Variants in KBTBD11 observed in about 807,000 individuals in gnomAD.
The protein encoded by KBTBD11 is kelch repeat and BTB domain-containing protein 11.
For synonymous variants in KBTBD11, 747 were observed against 499.0 expected (o/e 1.50, Z -6.63); for missense variants, 1,390 against 1,001.8 (o/e 1.39, Z -5.23).
At chr8:1,990,383 C>T (rs555584815) in intron 1 of KBTBD11, among the ~76,000 whole-genome samples, 1 of 142,720 alleles carries the variant, frequency 7.0e-6, no homozygotes, top group Non-Finnish European at 1.5e-5. Context: ...GCTGCCGGGC[C>T]TTGGCGCCCT....
intron 1 of KBTBD11, among the ~76,000 whole-genome samples, chr8:1,987,840 G>A (rs529658471): frequency 2.0e-5 from 3 of 152,002 alleles, no homozygotes; most frequent in South Asian, 2.1e-4. Flanking sequence ...CCATTAACTC[G>A]TCATTTACAT....
chr8:1,994,070 A>G (rs911041418), intron 1 of KBTBD11, among the ~76,000 whole-genome samples: 1 of 152,128 alleles, frequency 6.6e-6, no homozygotes, highest in Non-Finnish European at 1.5e-5. Flanking sequence ...AGATTGCTCA[A>G]TACTTCGTTT....
intron 1 of KBTBD11, among the ~76,000 whole-genome samples, chr8:1,993,346 T>C (rs1456203377): frequency 6.6e-6 from 1 of 151,282 alleles, no homozygotes; most frequent in Non-Finnish European, 1.5e-5. Context: ...CCCATCTTTC[T>C]GTCCATCCAT....
intron 1 of KBTBD11, chr8:1,974,232 G>A (rs1453453227): frequency 1.1e-6 from 1 of 931,648 alleles, no homozygotes; most frequent in African/African-American, 1.8e-5. Flanking sequence ...GGCCGCGTGG[G>A]GGGCGTGGGG....
At chr8:1,994,904 C>T (rs1817075481) in intron 1 of KBTBD11, among the ~76,000 whole-genome samples, 1 of 152,052 alleles carries the variant, frequency 6.6e-6, no homozygotes, top group African/African-American at 2.4e-5. Context: ...ACTAAAAATA[C>T]AAATACTAGC....
intron 1 of KBTBD11, among the ~76,000 whole-genome samples, chr8:1,981,729 C>T (rs1338684350): frequency 3.3e-5 from 5 of 152,170 alleles, no homozygotes; most frequent in Non-Finnish European, 5.9e-5. Context: ...GCTGGGACAC[C>T]GTCTTCTTCT....
Position 2,002,043 on chromosome 8 carries a change from T to C in KBTBD11, c.851T>C (p.Leu284Pro). ...CTGTCGGGCGCAGAGCGGGACCTGC[T>C]GCTGCGCCGCCGCCTGCGCGCCGGC... Reference protein sequence around the residue: ...GRLSGAERDLLLRRRLRAGRA... With the variant: ...GRLSGAERDLPLRRRLRAGRA... The change falls in exon 2 of 2, where the codon CTG becomes CCG. Residue 284 changes from leucine to proline, a missense_variant. Transcript: ENST00000320248. This position sits in a 1 kb window ranked among gnomAD's most constrained non-coding sequence, Gnocchi z 4.1. The C allele has an allele frequency of 1.6e-6, 2 of 1,250,644 alleles. No individual in the cohort carries two copies. Among genetic ancestry groups the C allele is most frequent in the Non-Finnish European group, 2.0e-6 (2 of 990,488 alleles). 77.5% of individuals were successfully genotyped at this position (1,250,644 alleles called of 1,614,324 possible).
At chr8:1,990,444 G>C (rs35727032) in intron 1 of KBTBD11, among the ~76,000 whole-genome samples, 20 of 89,460 alleles carry the variant, frequency 2.2e-4, no homozygotes, top group Middle Eastern at 9.1e-3. Context: ...TAGATGCTGC[G>C]GGGCCTTGGC....
chr8:1,983,862 G>C (rs187105562), intron 1 of KBTBD11, among the ~76,000 whole-genome samples: 22 of 152,392 alleles, frequency 1.4e-4, no homozygotes, highest in Admixed American at 3.9e-4. Flanking sequence ...GGGCGTGGTG[G>C]CTTACGCCTG....
At chr8:1,976,035 C>G (rs931392420) in intron 1 of KBTBD11, 1 of 152,132 alleles carries the variant, frequency 6.6e-6, no homozygotes, top group Non-Finnish European at 1.5e-5. Flanking sequence ...GCACAGATTG[C>G]TCAGTAATAA....
Position 2,000,855 on chromosome 8 carries a change from C to T in KBTBD11, c.-338C>T. On this transcript the variant is annotated 5_prime_UTR_variant, in exon 2 of 2. Coordinates refer to ENST00000320248, the MANE Select transcript of KBTBD11 (RefSeq NM_014867.3). ...AACCGCAGTCAACTGCAGCTCCAGTCATTGCTGGATGTTGGCTGACGCGGT... is the reference window on the plus strand; with the variant it reads ...AACCGCAGTCAACTGCAGCTCCAGTTATTGCTGGATGTTGGCTGACGCGGT... The T allele has an allele frequency of 7.2e-6, 2 of 278,878 alleles. No homozygotes were observed. The highest frequency in any genetic ancestry group is 1.3e-5 in the Non-Finnish European group (2 of 149,730). 17.3% of individuals were successfully genotyped at this position (278,878 alleles called of 1,614,324 possible).
chr8:1,988,844 AT>A (rs1816784704), intron 1 of KBTBD11, among the ~76,000 whole-genome samples: 1 of 150,342 alleles, frequency 6.7e-6, no homozygotes, highest in Non-Finnish European at 1.5e-5. Flanking sequence ...AAATGAGCAA[AT>A]GAATGAATAT....
Position 2,001,788 on chromosome 8 carries a change from TGC to T in KBTBD11, c.598_599del (p.Arg200AlafsTer251). 1 of 1,261,074 alleles carries T rather than the reference TGC, an allele frequency of 7.9e-7. No individual in the cohort carries two copies. The highest frequency in any genetic ancestry group is 9.9e-7 in the Non-Finnish European group (1 of 1,006,888). The allele number at this position is 1,261,074 out of a possible 1,614,324, so 78.1% of individuals were successfully genotyped here. The stretch of plus-strand genomic sequence containing the variant: ...GCCTACAGCGGGCGCATGGCGGGCG[TGC>T]GGCCCGACAACGTGGCCGAGGTGGT... On this transcript the variant is annotated frameshift_variant, in exon 2 of 2. Coordinates refer to ENST00000320248, the MANE Select transcript of KBTBD11 (RefSeq NM_014867.3). LOFTEE classifies it low-confidence loss of function (END_TRUNC).
At chr8:1,984,939 C>G (rs1038859557) in intron 1 of KBTBD11, among the ~76,000 whole-genome samples, 1 of 152,218 alleles carries the variant, frequency 6.6e-6, no homozygotes, top group African/African-American at 2.4e-5. Context: ...GGGTGTTTCA[C>G]AGCCTGAGTC....
At position 1,980,002 on chromosome 8, in the gene KBTBD11, G is replaced by C. The variant is rs1816485987; in HGVS notation, c.-909+6067G>C. On this transcript the variant is annotated intron_variant, in intron 1 of 1. Transcript: ENST00000320248. Reference sequence around the variant, plus strand: ...GCAGTGCCCAGTCTCACTTTGTGCTGAATCTTTTCCCTGTAGCCTGAGCTG... The same window carrying C: ...GCAGTGCCCAGTCTCACTTTGTGCTCAATCTTTTCCCTGTAGCCTGAGCTG... Among the ~76,000 whole-genome samples, 3 of 152,176 alleles carry C rather than the reference G, an allele frequency of 2.0e-5. No individual in the cohort carries two copies. The South Asian group carries it at 6.2e-4, about 31-fold the overall frequency.
rs537820342 is a variant in KBTBD11, at chr8:1,989,683, C to G, written c.-908-10602C>G. Among the ~76,000 whole-genome samples the G allele has an allele frequency of 3.5e-3, 538 of 152,304 alleles. 1 individual carries two copies. Among genetic ancestry groups the G allele is most frequent in the Admixed American group, 6.6e-3 (101 of 15,288 alleles). On this transcript the variant is annotated intron_variant, in intron 1 of 1. Transcript: ENST00000320248. ...CTCTCTGCACGACGCATCGCCTCCC[C>G]GAAGAGCTCATAGCAGGCAGTGGTT...
chr8:1,994,601 C>A (rs991497902), intron 1 of KBTBD11, among the ~76,000 whole-genome samples: 2 of 152,222 alleles, frequency 1.3e-5, no homozygotes, highest in East Asian at 3.8e-4. Context: ...ACAACACCTC[C>A]CTCCCAGAAG....
Position 2,002,625 on chromosome 8 carries a change from A to C in KBTBD11, c.1433A>C (p.Asp478Ala). Residue 478 changes from aspartate (D) to alanine (A), a missense_variant, in exon 2 of 2, where the codon GAC becomes GCC. Coordinates refer to ENST00000320248, the MANE Select transcript of KBTBD11 (RefSeq NM_014867.3). This position sits in a 1 kb window ranked among gnomAD's most constrained non-coding sequence, Gnocchi z 4.1. ...CTGCTCAAGTATGACCCGCGGCGCG[A>C]CGAGTGGCAGGAGTGCCCGTGCAGC... ...YRLLKYDPRR[D>A]EWQECPCSSS... 1 of 1,583,542 alleles carries C rather than the reference A, an allele frequency of 6.3e-7. No individual in the cohort carries two copies. The highest frequency in any genetic ancestry group is 8.5e-7 in the Non-Finnish European group (1 of 1,173,632).
chr8:2,006,090 T>G lies in KBTBD11; in HGVS notation c.*3026T>G, dbSNP rs149743172. On this transcript the variant is annotated 3_prime_UTR_variant, in exon 2 of 2. Transcript: ENST00000320248. ...ACTTCTGCTGTAAGAAAATGAATGT[T>G]GTGGAAATTCTTTGGCTACTTAACT... 6.0e-6 allele frequency: 1 copy of G among 167,096 alleles called. No individual in the cohort carries two copies. Among genetic ancestry groups the G allele is most frequent in the Non-Finnish European group, 1.5e-5 (1 of 68,118 alleles). 10.4% of individuals were successfully genotyped at this position (167,096 alleles called of 1,614,324 possible).
Sources: allele counts gnomAD v4.1 joint callset (sites outside exome capture counted in the v4.1 genomes callset), GRCh38; gene constraint gnomAD v4.1.1; non-coding constraint Gnocchi (gnomAD v3.1); transcripts MANE v1.5; gene names NCBI Gene and HGNC (gene_info 2026-07-23, HGNC 2026-07-21).